Variants in KSR2 observed in about 807,000 individuals in gnomAD.
KSR2 encodes the protein kinase suppressor of ras 2.
In KSR2, 25 loss-of-function variants were observed where a neutral mutation model predicts 107.8. The observed-to-expected ratio is 0.23, with a 90% confidence interval of 0.17 to 0.32. KSR2 has a LOEUF of 0.32. KSR2 is among the 10% of genes least tolerant of loss of function. The probability of loss-of-function intolerance (pLI) is 1.00; values close to 1 mark genes in which losing one functional copy is unlikely to be tolerated. For missense variants in KSR2, 887 were observed against 1,268.9 expected, an observed-to-expected ratio of 0.70 and a Z score of 4.57; for synonymous variants, 480 against 507.0, an observed-to-expected ratio of 0.95 and a Z score of 0.71.
chr12:117,512,593 G>A (rs1361511159), intron 14 of KSR2, among the ~76,000 whole-genome samples: 2 of 152,132 alleles, frequency 1.3e-5, no homozygotes, highest in South Asian at 2.1e-4. Context: ...ACGTTTCAGT[G>A]TGAAATCCAT....
At chr12:117,617,200 T>C (rs1325632417) in intron 5 of KSR2, among the ~76,000 whole-genome samples, 3 of 152,216 alleles carry the variant, frequency 2.0e-5, no homozygotes, top group Admixed American at 2.0e-4. Context: ...ACCTTTTCAA[T>C]GGGTCCTATA....
At chr12:117,649,237 TA>T (rs1300535691) in intron 5 of KSR2, among the ~76,000 whole-genome samples, 3 of 152,196 alleles carry the variant, frequency 2.0e-5, no homozygotes, top group Admixed American at 6.5e-5. Context: ...GCCTGCATCC[TA>T]GAGGGCTTCT....
At chr12:117,798,458 C>G (rs10850902) in intron 3 of KSR2, among the ~76,000 whole-genome samples, 3 of 152,010 alleles carry the variant, frequency 2.0e-5, no homozygotes, top group Non-Finnish European at 4.4e-5. Flanking sequence ...CATGGTGAAA[C>G]CCCATCTCTA....
chr12:117,508,108 C>T (rs2944722), intron 14 of KSR2, among the ~76,000 whole-genome samples: 13,274 of 152,240 alleles, frequency 0.087, 636 homozygotes, highest in East Asian at 0.19. Context: ...AGTCCTGCTG[C>T]CTGTATTTTC....
intron 4 of KSR2, among the ~76,000 whole-genome samples, chr12:117,694,876 G>A (rs1416987850): frequency 2.3e-5 from 3 of 131,582 alleles, no homozygotes; most frequent in Non-Finnish European, 4.7e-5. Flanking sequence ...TTGAGATGGA[G>A]CCTCACTCTG....
chr12:117,698,719 A>G (rs781560859), intron 4 of KSR2, among the ~76,000 whole-genome samples: 2 of 151,720 alleles, frequency 1.3e-5, no homozygotes, highest in Non-Finnish European at 2.9e-5. Context: ...CCACTTCCAA[A>G]CCCTGAAAGC....
chr12:117,519,930 C>T (rs1193102448), intron 14 of KSR2, among the ~76,000 whole-genome samples: 3 of 152,074 alleles, frequency 2.0e-5, no homozygotes, highest in African/African-American at 4.8e-5. Context: ...TAAACTGTGG[C>T]GTGAACAAAA....
Position 117,456,607 on chromosome 12 carries a change from T to C in KSR2, c.*10592A>G, listed in dbSNP as rs1174005289. The C allele has an allele frequency of 6.6e-6, 1 of 152,244 alleles. No homozygotes were observed. Among genetic ancestry groups the C allele is most frequent in the Non-Finnish European group, 1.5e-5 (1 of 68,078 alleles). The allele number at this position is 152,244 out of a possible 1,614,324, so 9.4% of individuals were successfully genotyped here. A position where few individuals can be genotyped will look rare whatever the true frequency, so the allele number is the denominator to read the frequency against. ...GGCAGAGCCCCAGCCAACTCAACTG[T>C]CTTCTTGGAAGGTGTCCCAATTCCC... On this transcript the variant is annotated 3_prime_UTR_variant, in exon 20 of 20. Transcript: ENST00000339824.
chr12:117,556,710 T>A (rs1365031463), intron 8 of KSR2, among the ~76,000 whole-genome samples: 2 of 152,026 alleles, frequency 1.3e-5, no homozygotes, highest in Non-Finnish European at 2.9e-5. Flanking sequence ...GGTGGGCAAG[T>A]GAGAGGACAG....
intron 5 of KSR2, among the ~76,000 whole-genome samples, chr12:117,650,290 C>A (rs1457774882): frequency 6.6e-6 from 1 of 152,182 alleles, no homozygotes; most frequent in Non-Finnish European, 1.5e-5. Flanking sequence ...CCATACAACT[C>A]CAAGTTCTTC....
intron 1 of KSR2, among the ~76,000 whole-genome samples, chr12:117,932,411 C>T (rs548968023): frequency 8.0e-4 from 121 of 152,098 alleles, no homozygotes; most frequent in African/African-American, 2.8e-3. Flanking sequence ...TTGATCATAA[C>T]ACTACAGTCA....
At chr12:117,713,768 A>G (rs1886880371) in intron 4 of KSR2, among the ~76,000 whole-genome samples, 1 of 152,160 alleles carries the variant, frequency 6.6e-6, no homozygotes, top group African/African-American at 2.4e-5. Flanking sequence ...TGAGAGCTGG[A>G]GAAGGGCTTC....
chr12:117,821,375 G>A (rs1891558192), intron 3 of KSR2, among the ~76,000 whole-genome samples: 1 of 151,984 alleles, frequency 6.6e-6, no homozygotes, highest in Non-Finnish European at 1.5e-5. Flanking sequence ...CTGAGCATGA[G>A]GATGAAGACC....
chr12:117,453,673 C>A lies in KSR2; in HGVS notation c.*13526G>T, dbSNP rs144488485. ...AGAGTAATCAATCAAATTAATCATGCGTTAAGTCTGTCGAGTGGATCCTGG... is the reference window on the plus strand; with the variant it reads ...AGAGTAATCAATCAAATTAATCATGAGTTAAGTCTGTCGAGTGGATCCTGG... On this transcript the variant is annotated 3_prime_UTR_variant, in exon 20 of 20. Transcript: ENST00000339824. 4 of 152,052 alleles carry A rather than the reference C, an allele frequency of 2.6e-5. No individual in the cohort carries two copies. Among genetic ancestry groups the A allele is most frequent in the Non-Finnish European group, 5.9e-5 (4 of 68,020 alleles). The allele number at this position is 152,052 out of a possible 1,614,324, so 9.4% of individuals were successfully genotyped here.
rs141040422 is a variant in KSR2 at position 117,821,546 on chromosome 12, G to T, written c.472+33882C>A. ...TAACTGACTTCATATTATCAGTAAG[G>T]CTTCCAGTCAATGGTAGGCCATTAG... is the stretch of plus-strand genomic sequence containing the variant. On this transcript the variant is annotated intron_variant, in intron 3 of 19. Coordinates refer to ENST00000339824, the MANE Select transcript of KSR2 (RefSeq NM_173598.6). Among the ~76,000 whole-genome samples the T allele has an allele frequency of 8.3e-3, 1,260 of 152,230 alleles. 20 individuals are homozygous for T. The highest frequency in any genetic ancestry group is 0.028 in the African/African-American group (1,182 of 41,524).
Position 117,515,858 on chromosome 12 carries a change from G to A in KSR2, c.2219+8994C>T, listed in dbSNP as rs571355777. ...GGAGAATTACTTGAATCCAGGAGGC[G>A]CAGGTTGCAGTGAACTGAGATTGTG... On this transcript the variant is annotated intron_variant, in intron 14 of 19. Transcript: ENST00000339824. 3.3e-5 allele frequency among the ~76,000 whole-genome samples: 5 copies of A among 152,300 alleles called. No individual in the cohort carries two copies. In the East Asian group the frequency reaches 5.8e-4, roughly 18 times the overall value.
At chr12:117,534,041 G>C (rs1452392698) in intron 10 of KSR2, among the ~76,000 whole-genome samples, 1 of 152,076 alleles carries the variant, frequency 6.6e-6, no homozygotes, top group East Asian at 1.9e-4. Context: ...GGCTGCTCAG[G>C]AGAGCAGAGT....
intron 4 of KSR2, among the ~76,000 whole-genome samples, chr12:117,689,863 G>T (rs1305982713): frequency 6.6e-6 from 1 of 152,140 alleles, no homozygotes; most frequent in East Asian, 1.9e-4. Flanking sequence ...TGAGAGTAAG[G>T]GGGGTGGGGG....
intron 1 of KSR2, among the ~76,000 whole-genome samples, chr12:117,960,337 GT>G (rs1255386433): frequency 6.6e-6 from 1 of 152,156 alleles, no homozygotes; most frequent in Non-Finnish European, 1.5e-5. Context: ...GGAATCCATA[GT>G]CACACTGACT....
Sources: gnomAD v4.1 joint callset for allele counts (sites outside exome capture counted in the v4.1 genomes callset) on GRCh38, gnomAD v4.1.1 for gene constraint, MANE v1.5 for transcripts, NCBI Gene and HGNC (gene_info 2026-07-23, HGNC 2026-07-21) for gene names.